The following USP49 variants were observed in gnomAD, a reference collection of about 807,000 sequenced individuals.
USP49 encodes ubiquitin carboxyl-terminal hydrolase 49.
Under a neutral mutation model 58.6 loss-of-function variants are expected in USP49, and 24 were observed. The ratio of observed to expected loss-of-function variants is 0.41; its 90% CI spans 0.30 to 0.58. The LOEUF (loss-of-function observed/expected upper bound fraction) is 0.58, where lower values mean the gene tolerates loss of function less well. Among genes scored for constraint, USP49 ranks in the 20% least tolerant of loss-of-function variants. The probability of loss-of-function intolerance (pLI) is 0.30; values close to 1 mark genes in which losing one functional copy is unlikely to be tolerated. For missense variants in USP49, 703 were observed against 866.1 expected (o/e 0.81, Z 2.36); for synonymous variants, 408 against 365.1 (o/e 1.12, Z -1.34).
intron 4 of USP49, 127 bp downstream of exon 4, chr6:41,805,501 C>A: frequency 9.8e-7 from 1 of 1,024,838 alleles, no homozygotes. Context: ...ATAATGGCCA[C>A]CCTCCAAATT....
intron 3 of USP49, among the ~76,000 whole-genome samples, chr6:41,859,849 C>T (rs1774190318): frequency 6.6e-6 from 1 of 152,102 alleles, no homozygotes; most frequent in Admixed American, 6.6e-5. Flanking sequence ...CATTAAAAGG[C>T]AGTTGCAGTA....
intron 3 of USP49, among the ~76,000 whole-genome samples, chr6:41,815,512 GA>G (rs1381917036): frequency 6.6e-5 from 10 of 152,090 alleles, no homozygotes; most frequent in Admixed American, 6.5e-4. Flanking sequence ...GTGGGTGGGA[GA>G]AGAGATTGCT....
intron 2 of USP49, among the ~76,000 whole-genome samples, chr6:41,885,307 C>A (rs1200738982): frequency 6.6e-6 from 1 of 152,154 alleles, no homozygotes; most frequent in African/African-American, 2.4e-5. Flanking sequence ...CAGAGAATAA[C>A]ATTTTCAAAC....
At position 41,806,538 on chromosome 6, in the gene USP49, C is replaced by A. The variant is rs1200183206; in HGVS notation, c.446G>T (p.Arg149Leu). ...MLTALWYRRQ[R>L]LLARTLRLWF... is the part of the protein sequence containing the mutation. ...CAGCCGCAGCGTCCTGGCCAGCAGG[C>A]GCTGACGCCGGTACCACAGAGCCGT... Residue 149 changes from arginine to leucine, a missense_variant, in exon 4 of 8, where the codon CGC becomes CTC. Physicochemically the swap from Arg to Leu is moderately radical, Grantham distance 102. This residue lies in a region of USP49 where 376 missense variants were observed against 373.5 expected (regional missense o/e 1.01). Transcript: ENST00000682992. The surrounding 1 kb of genome is among the most constrained non-coding windows in gnomAD (Gnocchi z 5.9). The A allele has an allele frequency of 1.2e-6, 2 of 1,600,072 alleles. No individual in the cohort carries two copies. Among genetic ancestry groups the A allele is most frequent in the Non-Finnish European group, 8.5e-7 (1 of 1,179,208 alleles).
At chr6:41,821,971 G>A (rs78148697) in intron 3 of USP49, among the ~76,000 whole-genome samples, 4,742 of 152,130 alleles carry the variant, frequency 0.031, 127 homozygotes, top group African/African-American at 0.064. Flanking sequence ...CACAGATCCA[G>A]CACAGTATTC....
Position 41,789,913 on chromosome 6 carries a change from A to G in USP49, c.*6620T>C, listed in dbSNP as rs759906330. 2 of 152,222 alleles carry G rather than the reference A, an allele frequency of 1.3e-5. No individual in the cohort carries two copies. Among genetic ancestry groups the G allele is most frequent in the Non-Finnish European group, 2.9e-5 (2 of 68,036 alleles). 9.4% of individuals were successfully genotyped at this position (152,222 alleles called of 1,614,324 possible). A position where few individuals can be genotyped will look rare whatever the true frequency, so the allele number is the denominator to read the frequency against. ...CAAAGGCAGTCATTTTATTCTTTTA[A>G]TAAGAAACTTTTGCTTACAAAAACA... is the stretch of plus-strand genomic sequence containing the variant. On this transcript the variant is annotated 3_prime_UTR_variant, in exon 8 of 8. Transcript: ENST00000682992.
At chr6:41,838,902 A>G (rs1418651208) in intron 3 of USP49, among the ~76,000 whole-genome samples, 1 of 152,222 alleles carries the variant, frequency 6.6e-6, no homozygotes, top group African/African-American at 2.4e-5. Flanking sequence ...AGTGGAATAA[A>G]ACTGGAAATT....
chr6:41,796,945 A>AT lies in USP49; in HGVS notation c.1877-223dup, dbSNP rs5875772. Reference sequence around the variant, plus strand: ...CGGTACTGCTTATCGACTGACTGCAATTTTTTTTTTTTTTTTTTTTTTGAG... The same window carrying AT: ...CGGTACTGCTTATCGACTGACTGCAATTTTTTTTTTTTTTTTTTTTTTTGAG... On this transcript the variant is annotated intron_variant, in intron 7 of 7. Transcript: ENST00000682992. Among the ~76,000 whole-genome samples the AT allele has an allele frequency of 5.1e-3, 547 of 107,746 alleles. 2 individuals carry two copies. Among genetic ancestry groups the AT allele is most frequent in the East Asian group, 6.2e-3 (23 of 3,708 alleles). The allele number at this position is 107,746 out of a possible 152,430, so 70.7% of individuals were successfully genotyped here.
At chr6:41,841,311 A>G (rs996424437) in intron 3 of USP49, among the ~76,000 whole-genome samples, 8 of 152,164 alleles carry the variant, frequency 5.3e-5, no homozygotes, top group African/African-American at 1.7e-4. Flanking sequence ...ATAGTTAAAA[A>G]AAAAGACACA....
rs750059915 is a variant in USP49, at chr6:41,798,794, T to C, written c.1806A>G (p.Ala602=). 1 of 1,614,000 alleles carries C rather than the reference T, an allele frequency of 6.2e-7. No homozygotes were observed. The highest frequency in any genetic ancestry group is 1.1e-5 in the South Asian group (1 of 91,064). ...ACCCTTTCCCGTGATGCATGACCAC[T>C]GCGGAGAGATCATAGGCAAAGGTCT... is the stretch of plus-strand genomic sequence containing the variant. ...DKETFAYDLS[A]VVMHHGKGFG... The change falls in exon 7 of 8, where the codon GCA becomes GCG. Residue 602 remains alanine, a synonymous_variant. Coordinates refer to ENST00000682992, the MANE Select transcript of USP49 (RefSeq NM_001286554.2).
At chr6:41,848,610 G>A (rs560435263) in intron 3 of USP49, among the ~76,000 whole-genome samples, 14 of 152,102 alleles carry the variant, frequency 9.2e-5, no homozygotes, top group African/African-American at 2.9e-4. Context: ...TGTAATCCCC[G>A]CACTTTGGGA....
chr6:41,874,121 G>C (rs2127360360), intron 2 of USP49: 1 of 152,298 alleles, frequency 6.6e-6, no homozygotes, highest in Non-Finnish European at 1.5e-5. Flanking sequence ...GGGCTGTCTG[G>C]CTCATGCAAG....
At position 41,812,940 on chromosome 6, in the gene USP49, TAC is replaced by T. The variant is rs1251676607; in HGVS notation, c.-28-5931_-28-5930del. On this transcript the variant is annotated intron_variant, in intron 3 of 7. Transcript: ENST00000682992. ...ATATATTGAGACTATAGAGAATATATACAGATAGAGAATTCATTATTATTACA... is the reference window on the plus strand; with the variant it reads ...ATATATTGAGACTATAGAGAATATATAGATAGAGAATTCATTATTATTACA... Among the ~76,000 whole-genome samples, 5 of 152,290 alleles carry T rather than the reference TAC, an allele frequency of 3.3e-5. No homozygotes were observed. In the East Asian group the frequency reaches 9.6e-4, roughly 29 times the overall value.
chr6:41,856,235 C>T (rs990221475), intron 3 of USP49, among the ~76,000 whole-genome samples: 2 of 151,704 alleles, frequency 1.3e-5, no homozygotes, highest in African/African-American at 4.8e-5. Flanking sequence ...ATTAGCCAGG[C>T]GTGGTGGCGG....
intron 3 of USP49, among the ~76,000 whole-genome samples, chr6:41,853,810 A>G (rs1039756885): frequency 7.3e-5 from 11 of 151,128 alleles, no homozygotes; most frequent in African/African-American, 2.2e-4. Flanking sequence ...CAGCCTGACC[A>G]ACATGGAGAA....
intron 3 of USP49, among the ~76,000 whole-genome samples, chr6:41,860,409 TGAG>T (rs1213508731): frequency 6.6e-6 from 1 of 152,168 alleles, no homozygotes; most frequent in African/African-American, 2.4e-5. Context: ...ATGAGATAAA[TGAG>T]GAAATTTGAA....
intron 3 of USP49, among the ~76,000 whole-genome samples, chr6:41,850,464 A>AATAC (rs1561917547): frequency 2.0e-5 from 3 of 149,278 alleles, no homozygotes. Flanking sequence ...AAAAAAAAAA[A>AATAC]ATAAATAAAT....
rs186836269 is a variant in USP49 at position 41,819,502 on chromosome 6, T to C, written c.-28-12491A>G. 2.9e-3 allele frequency among the ~76,000 whole-genome samples: 440 copies of C among 152,280 alleles called. 1 individual carries two copies. The highest frequency in any genetic ancestry group is 4.6e-3 in the Non-Finnish European group (315 of 68,028). ...ATATATACATATCAAAGTGTATATA[T>C]GTATATATGTCAGACTTTCTTGAAT... is the stretch of plus-strand genomic sequence containing the variant. On this transcript the variant is annotated intron_variant, in intron 3 of 7. Coordinates refer to ENST00000682992, the MANE Select transcript of USP49 (RefSeq NM_001286554.2).
chr6:41,827,593 G>A (rs12192677), intron 3 of USP49, among the ~76,000 whole-genome samples: 35,484 of 146,194 alleles, frequency 0.24, 4,348 homozygotes, highest in Middle Eastern at 0.3. Context: ...CCAGAAGGCA[G>A]AAGTTGCAGT....
Sources: allele counts gnomAD v4.1 joint callset (sites outside exome capture counted in the v4.1 genomes callset), GRCh38; gene constraint gnomAD v4.1.1; regional missense constraint gnomAD v4.1.1; non-coding constraint Gnocchi (gnomAD v3.1); transcripts MANE v1.5; gene names NCBI Gene and HGNC (gene_info 2026-07-23, HGNC 2026-07-21).